MLH3: variants seen among roughly 807,000 people sequenced by gnomAD.
The protein encoded by MLH3 is DNA mismatch repair protein Mlh3.
Under a neutral mutation model 122.2 loss-of-function variants are expected in MLH3, and 82 were observed. The observed-to-expected ratio is 0.67, with a 90% CI of 0.56 to 0.81. MLH3 has a LOEUF of 0.81. Ranked by LOEUF, MLH3 falls within the 30% of genes least tolerant of loss-of-function variation. MLH3 has a pLI of 0.00. For missense variants in MLH3, 1,539 were observed against 1,714.5 expected (o/e 0.90, Z 1.81); for synonymous variants, 524 against 599.5 (o/e 0.87, Z 1.84).
chr14:75,026,308 T>TG (rs1266535254), intron 9 of MLH3, among the ~76,000 whole-genome samples: 2 of 152,060 alleles, frequency 1.3e-5, no homozygotes, highest in African/African-American at 4.8e-5. Flanking sequence ...GAGTGAGATT[T>TG]GGGGAAAAAA....
intron 7 of MLH3, among the ~76,000 whole-genome samples, chr14:75,033,114 A>G (rs1163623173): frequency 6.6e-6 from 1 of 152,072 alleles, no homozygotes; most frequent in Non-Finnish European, 1.5e-5. Context: ...ATCACCGGGC[A>G]TATGGAGGGG....
chr14:75,045,651 T>C (rs550574784), intron 2 of MLH3, among the ~76,000 whole-genome samples: 5 of 152,284 alleles, frequency 3.3e-5, no homozygotes, highest in African/African-American at 1.2e-4. Context: ...CAGGTGCCTT[T>C]AAAGACACAT....
chr14:75,026,103 C>T (rs1890612903), intron 9 of MLH3, among the ~76,000 whole-genome samples: 4 of 152,274 alleles, frequency 2.6e-5, no homozygotes, highest in African/African-American at 9.6e-5. Flanking sequence ...CTCAAATCTT[C>T]CCACATAAAT....
chr14:75,027,621 G>A (rs1406658806), intron 9 of MLH3, among the ~76,000 whole-genome samples: 1 of 120,494 alleles, frequency 8.3e-6, no homozygotes, highest in Non-Finnish European at 1.6e-5. Context: ...TTTGTCTCAA[G>A]ATCTGTTTGT....
At chr14:75,031,790 GA>G (rs1891066274) in intron 8 of MLH3, among the ~76,000 whole-genome samples, 1 of 152,178 alleles carries the variant, frequency 6.6e-6, no homozygotes. Context: ...CTCCAGCCTG[GA>G]CAACAGAGTG....
At chr14:75,030,819 C>T (rs1891000345) in intron 8 of MLH3, 117 bp from the exon 9 acceptor site, 1 of 839,834 alleles carries the variant, frequency 1.2e-6, no homozygotes, top group Non-Finnish European at 1.9e-6. Context: ...GCTTAACAAC[C>T]GTATTGTTTT....
chr14:75,028,644 C>A lies in MLH3; in HGVS notation c.3987+1899G>T, dbSNP rs200944494. Among the ~76,000 whole-genome samples, 177 of 151,518 alleles carry A rather than the reference C, an allele frequency of 1.2e-3. 2 individuals carry two copies. In the East Asian group the frequency reaches 0.028, roughly 24 times the overall value. On this transcript the variant is annotated intron_variant, in intron 9 of 12. Transcript: ENST00000355774. ...TGTTGGCCAGGCTGGTCTTGAACTC[C>A]AGACCTCAAATGATCCGCCCGCCTT...
Position 75,048,835 on chromosome 14 carries a change from T to C in MLH3, c.821A>G (p.Lys274Arg), listed in dbSNP as rs1192431305. 2 of 1,614,148 alleles carry C rather than the reference T, an allele frequency of 1.2e-6. No homozygotes were observed. The change falls in exon 2 of 13, where the codon AAA becomes AGA. Residue 274 changes from lysine to arginine, a missense_variant. Lys to Arg is a conservative substitution (Grantham distance 26). Coordinates refer to ENST00000355774, the MANE Select transcript of MLH3 (RefSeq NM_001040108.2). ...LHKLIDFLLR[K>R]ESIICKPKNG... is the part of the protein sequence containing the mutation. The stretch of plus-strand genomic sequence containing the variant: ...CTTTGGCTTGCATATAATACTTTCT[T>C]TCCTTAATAAAAAGTCAATGAGTTT...
rs767565939 is a variant in MLH3, at chr14:75,046,422, A to ATAAG, written c.3233_3234insCTTA (p.Thr1079LeufsTer3). 1 of 1,614,156 alleles carries ATAAG rather than the reference A, an allele frequency of 6.2e-7. No individual in the cohort carries two copies. Among genetic ancestry groups the ATAAG allele is most frequent in the Admixed American group, 1.7e-5 (1 of 60,016 alleles). Reference sequence around the variant, plus strand: ...CAGCCACAGTTGTCAGGTCTTTAGTACAAGCAGCCTGAATGTCCTCAGTTG... The same window carrying ATAAG: ...CAGCCACAGTTGTCAGGTCTTTAGTATAAGCAAGCAGCCTGAATGTCCTCAGTTG... On this transcript the variant is annotated frameshift_variant, in exon 2 of 13. Transcript: ENST00000355774. LOFTEE classifies it high-confidence loss of function.
At chr14:75,020,130 C>T (rs1205829921) in intron 11 of MLH3, among the ~76,000 whole-genome samples, 29 of 152,122 alleles carry the variant, frequency 1.9e-4, no homozygotes, top group Admixed American at 1.2e-3. Context: ...GCAGAGGCCC[C>T]GACGCTGACA....
At chr14:75,040,221 G>C (rs188765560) in intron 4 of MLH3, among the ~76,000 whole-genome samples, 33 of 151,478 alleles carry the variant, frequency 2.2e-4, no homozygotes, top group Admixed American at 1.4e-3. Context: ...AGGCTGAGGC[G>C]GGCAGATCAC....
At position 75,048,085 on chromosome 14, in the gene MLH3, T is replaced by G. The variant is rs1442831133; in HGVS notation, c.1571A>C (p.Asp524Ala). 6.2e-7 allele frequency: 1 copy of G among 1,614,064 alleles called. No homozygotes were observed. Among genetic ancestry groups the G allele is most frequent in the Admixed American group, 1.7e-5 (1 of 60,008 alleles). ...TPCHFEESGQ[D>A]LEIWKESTTV... The stretch of plus-strand genomic sequence containing the variant: ...AGTACTTTCTTTCCATATTTCTAGA[T>G]CCTGCCCACTCTCCTCAAAGTGACA... Residue 524 changes from aspartate to alanine, a missense_variant, in exon 2 of 13, where the codon GAT (aspartate) becomes GCT (alanine). By Grantham distance (126) the Asp-to-Ala change is moderately radical. Transcript: ENST00000355774.
chr14:75,015,015 A>C lies in MLH3; in HGVS notation c.*2067T>G, dbSNP rs1362505865. On this transcript the variant is annotated 3_prime_UTR_variant, in exon 13 of 13. Coordinates refer to ENST00000355774, the MANE Select transcript of MLH3 (RefSeq NM_001040108.2). ...CACTTTGTAAAATGGTGATAAAGCT[A>C]CCACCTTACCTCATGGACTGTCAAG... The C allele has an allele frequency of 5.6e-6, 1 of 178,786 alleles. No individual in the cohort carries two copies. The highest frequency in any genetic ancestry group is 6.3e-5 in the Admixed American group (1 of 15,860). 11.1% of individuals were successfully genotyped at this position (178,786 alleles called of 1,614,324 possible). A position where few individuals can be genotyped will look rare whatever the true frequency, so the allele number is the denominator to read the frequency against.
At chr14:75,037,731 T>C (rs571691718) in intron 6 of MLH3, among the ~76,000 whole-genome samples, 21 of 151,942 alleles carry the variant, frequency 1.4e-4, no homozygotes, top group South Asian at 4.2e-4. Context: ...GGTGGAAGGA[T>C]AGCTTAAGCC....
At position 75,047,212 on chromosome 14, in the gene MLH3, T is replaced by C. The variant is rs757328325; in HGVS notation, c.2444A>G (p.Asp815Gly). ...GTGGCTTGCTGGTTGACAACTACTA[T>C]CTGAATCACTATGCTCCATAGTAGT... ...KITTMEHSDSDSSCQPASHIL... is the reference protein window; with the variant it reads ...KITTMEHSDSGSSCQPASHIL... The change falls in exon 2 of 13, where the codon GAT becomes GGT. Residue 815 changes from aspartate to glycine, a missense_variant. Transcript: ENST00000355774. The C allele has an allele frequency of 1.2e-6, 2 of 1,614,158 alleles. No individual in the cohort carries two copies. The highest frequency in any genetic ancestry group is 1.7e-6 in the Non-Finnish European group (2 of 1,180,018).
At position 75,049,024 on chromosome 14, in the gene MLH3, A is replaced by G. The variant is rs1892472757; in HGVS notation, c.632T>C (p.Phe211Ser). Reference protein sequence around the residue: ...LPKTKDVCSRFCQIYGLGKSQ... With the variant: ...LPKTKDVCSRSCQIYGLGKSQ... ...CTTTCCCAATCCATAAATTTGACAAAATCGGGAACATACGTCTTTGGTTTT... is the reference window on the plus strand; with the variant it reads ...CTTTCCCAATCCATAAATTTGACAAGATCGGGAACATACGTCTTTGGTTTT... Residue 211 changes from phenylalanine to serine, a missense_variant, in exon 2 of 13, where the codon TTT (phenylalanine) becomes TCT (serine). Transcript: ENST00000355774. 6.2e-7 allele frequency: 1 copy of G among 1,614,032 alleles called. No homozygotes were observed. Among genetic ancestry groups the G allele is most frequent in the Non-Finnish European group, 8.5e-7 (1 of 1,180,044 alleles).
At chr14:75,043,204 CCA>C (rs1891991709) in intron 2 of MLH3, among the ~76,000 whole-genome samples, 1 of 152,172 alleles carries the variant, frequency 6.6e-6, no homozygotes, top group African/African-American at 2.4e-5. Context: ...AAAAAATTAC[CCA>C]GAGAAGCCCT....
In MLH3 at chr14:75,032,109, C is replaced by T. The variant is rs28757027; in HGVS notation, c.3786G>A (p.Pro1262=). The T allele has an allele frequency of 3.8e-5, 62 of 1,613,548 alleles. 1 individual carries two copies. Among genetic ancestry groups the T allele is most frequent in the African/African-American group, 1.7e-4 (13 of 74,888 alleles). ...KKLLSSTLIP[P]LEITVTEEQR... ...GTTCCTCTGTCACTGTTATCTCTAG[C>T]GGAGGAATTAGAGTAGAAGACAGTA... The change falls in exon 8 of 13, where the codon CCG becomes CCA. Residue 1262 remains proline, a synonymous_variant. Coordinates refer to ENST00000355774, the MANE Select transcript of MLH3 (RefSeq NM_001040108.2).
chr14:75,040,121 CTAGAGG>C (rs1450891034), intron 4 of MLH3, 106 bp from the exon 5 acceptor site: 1 of 616,968 alleles, frequency 1.6e-6, no homozygotes, highest in East Asian at 3.9e-5. Context: ...ATTTAGCCTA[CTAGAGG>C]TGGGTTTAAT....
Sources: allele counts gnomAD v4.1 joint callset (sites outside exome capture counted in the v4.1 genomes callset), GRCh38; gene constraint gnomAD v4.1.1; transcripts MANE v1.5; gene names NCBI Gene and HGNC (gene_info 2026-07-23, HGNC 2026-07-21).